The following CRISPLD2 variants were observed in gnomAD, a reference collection of about 807,000 sequenced individuals.
CRISPLD2 encodes the protein cysteine rich secretory protein LCCL domain containing 2.
In CRISPLD2, 47 loss-of-function variants were observed where a neutral mutation model predicts 71.1. That is an observed-to-expected ratio of 0.66 (90% confidence interval 0.52 to 0.84). The LOEUF (loss-of-function observed/expected upper bound fraction) is 0.84, where lower values mean the gene tolerates loss of function less well. Among genes scored for constraint, CRISPLD2 ranks in the 40% least tolerant of loss-of-function variants. The probability of loss-of-function intolerance (pLI) is 0.00; values close to 1 mark genes in which losing one functional copy is unlikely to be tolerated. For missense variants in CRISPLD2, 830 were observed against 651.1 expected (o/e 1.27, Z -2.99); for synonymous variants, 317 against 250.1 (o/e 1.27, Z -2.52).
rs1007726672 is a variant in CRISPLD2 at position 84,873,184 on chromosome 16, A to G, written c.1112+62A>G. 1.9e-6 allele frequency: 3 copies of G among 1,561,358 alleles called. No homozygotes were observed. In the African/African-American group the frequency reaches 4.1e-5, roughly 21 times the overall value. On this transcript the variant is annotated intron_variant, in intron 10 of 14. Transcript: ENST00000262424. ...TTCCTGTTTATGACGGTGTTGTTGA[A>G]ATTTTGAAAAATACCACACAGGCCG... is the stretch of plus-strand genomic sequence containing the variant.
At chr16:84,867,096 C>T (rs1917562951) in intron 7 of CRISPLD2, 56 bp downstream of exon 7, 12 of 1,569,496 alleles carry the variant, frequency 7.6e-6, no homozygotes, top group South Asian at 4.5e-5. Context: ...CCAAAGGGGA[C>T]GGGGTGGGTG....
At chr16:84,864,398 T>A (rs1376303270) in intron 6 of CRISPLD2, among the ~76,000 whole-genome samples, 1 of 152,214 alleles carries the variant, frequency 6.6e-6, no homozygotes, top group African/African-American at 2.4e-5. Flanking sequence ...TAAATAAAGC[T>A]GCGATTATGA....
In CRISPLD2 at chr16:84,889,377, C is replaced by G. The variant is rs756968304; in HGVS notation, c.1439+14C>G. 2 of 1,600,808 alleles carry G rather than the reference C, an allele frequency of 1.2e-6. No homozygotes were observed. Among genetic ancestry groups the G allele is most frequent in the Admixed American group, 3.4e-5 (2 of 59,260 alleles). ...TCAGTCTGAAAGGTAGGGTGGTGTT[C>G]TCCAACCCTTGACACCCAATCCCGG... On this transcript the variant is annotated intron_variant, in intron 14 of 14. Coordinates refer to ENST00000262424, the MANE Select transcript of CRISPLD2 (RefSeq NM_031476.4).
chr16:84,906,143 C>T (rs972249245), intron 14 of CRISPLD2, among the ~76,000 whole-genome samples: 2 of 152,024 alleles, frequency 1.3e-5, no homozygotes, highest in African/African-American at 2.4e-5. Context: ...CCCCTGTGAA[C>T]GAGCGATAAC....
At chr16:84,896,403 C>T (rs185698609) in intron 14 of CRISPLD2, among the ~76,000 whole-genome samples, 3 of 152,156 alleles carry the variant, frequency 2.0e-5, no homozygotes, top group Non-Finnish European at 2.9e-5. Context: ...CACACACACA[C>T]AGACACATAC....
chr16:84,877,391 C>G (rs543226091), intron 11 of CRISPLD2, 47 bp from the exon 12 acceptor site: 7 of 1,573,188 alleles, frequency 4.4e-6, no homozygotes, highest in South Asian at 2.2e-5. Flanking sequence ...AGCCTGAGGC[C>G]CAGGCGTGCT....
chr16:84,894,626 C>T (rs1163234335), intron 14 of CRISPLD2, among the ~76,000 whole-genome samples: 10 of 151,816 alleles, frequency 6.6e-5, no homozygotes, highest in African/African-American at 2.2e-4. Context: ...TTCTAGAAGC[C>T]AAAGGAAGAA....
chr16:84,855,846 A>G (rs1020004844), intron 6 of CRISPLD2, among the ~76,000 whole-genome samples: 8 of 152,260 alleles, frequency 5.3e-5, no homozygotes, highest in Admixed American at 4.6e-4. Context: ...CCCAAATACT[A>G]TGACATAAAG....
chr16:84,896,568 C>T (rs1372791603), intron 14 of CRISPLD2, among the ~76,000 whole-genome samples: 1 of 152,012 alleles, frequency 6.6e-6, no homozygotes. Context: ...GTAAAATAGG[C>T]CTGTGTTAGG....
intron 1 of CRISPLD2, among the ~76,000 whole-genome samples, chr16:84,831,755 T>C (rs2143151998): frequency 6.6e-6 from 1 of 152,290 alleles, no homozygotes; most frequent in African/African-American, 2.4e-5. Flanking sequence ...ATTTTTTATT[T>C]TTTGAGTCTT....
At chr16:84,866,335 G>C (rs1917536342) in intron 6 of CRISPLD2, among the ~76,000 whole-genome samples, 1 of 151,634 alleles carries the variant, frequency 6.6e-6, no homozygotes, top group Admixed American at 6.6e-5. Flanking sequence ...CCGGCTTCAA[G>C]CGATTCTCCT....
chr16:84,882,347 C>CA lies in CRISPLD2; in HGVS notation c.1305+1787dup, dbSNP rs80146835. On this transcript the variant is annotated intron_variant, in intron 13 of 14. Coordinates refer to ENST00000262424, the MANE Select transcript of CRISPLD2 (RefSeq NM_031476.4). ...CAATATAGCAGCTAAACCAATAAAGCAAAAAAAAAAAAAAAAAAAAAAAAG... is the reference window on the plus strand; with the variant it reads ...CAATATAGCAGCTAAACCAATAAAGCAAAAAAAAAAAAAAAAAAAAAAAAAG... Among the ~76,000 whole-genome samples, 172 of 77,436 alleles carry CA rather than the reference C, an allele frequency of 2.2e-3. 1 individual carries two copies. Among genetic ancestry groups the CA allele is most frequent in the Non-Finnish European group, 3.2e-3 (124 of 39,232 alleles). 50.8% of individuals were successfully genotyped at this position (77,436 alleles called of 152,430 possible).
intron 1 of CRISPLD2, among the ~76,000 whole-genome samples, chr16:84,834,596 T>A (rs1916570513): frequency 6.6e-6 from 1 of 152,176 alleles, no homozygotes; most frequent in Admixed American, 6.5e-5. Flanking sequence ...GCCAGGGGCA[T>A]ATTTGGAAAC....
intron 6 of CRISPLD2, among the ~76,000 whole-genome samples, chr16:84,866,256 G>A (rs1318715268): frequency 7.1e-6 from 1 of 139,930 alleles, no homozygotes; most frequent in Non-Finnish European, 1.6e-5. Context: ...TTTTTGAGAT[G>A]GAGTTTCGCT....
At chr16:84,898,806 G>C (rs886919504) in intron 14 of CRISPLD2, among the ~76,000 whole-genome samples, 3 of 152,184 alleles carry the variant, frequency 2.0e-5, no homozygotes, top group South Asian at 2.1e-4. Context: ...AATTGGTTCA[G>C]AGTTGGTTGA....
intron 6 of CRISPLD2, among the ~76,000 whole-genome samples, chr16:84,860,816 G>A (rs901262704): frequency 2.0e-5 from 3 of 152,186 alleles, no homozygotes; most frequent in Admixed American, 1.3e-4. Context: ...TGCATGAGAA[G>A]AGCTTGTGTC....
At position 84,846,731 on chromosome 16, in the gene CRISPLD2, G is replaced by A. The variant is rs571962080; in HGVS notation, c.359+827G>A. Among the ~76,000 whole-genome samples the A allele has an allele frequency of 7.9e-5, 12 of 152,268 alleles. No homozygotes were observed. The South Asian group carries it at 1.4e-3, about 18-fold the overall frequency. On this transcript the variant is annotated intron_variant, in intron 3 of 14. Transcript: ENST00000262424. ...ATTGCCTTCCCCGCGTCATCCAGCC[G>A]TCGGGAAGCTCACTAACTTCTCCAG... is the stretch of plus-strand genomic sequence containing the variant.
chr16:84,899,589 T>C (rs1221441531), intron 14 of CRISPLD2, among the ~76,000 whole-genome samples: 1 of 152,224 alleles, frequency 6.6e-6, no homozygotes, highest in African/African-American at 2.4e-5. Context: ...CAGTTGATGC[T>C]GCCAGTTGCA....
At chr16:84,827,398 T>C (rs934867025) in intron 1 of CRISPLD2, among the ~76,000 whole-genome samples, 1 of 152,090 alleles carries the variant, frequency 6.6e-6, no homozygotes, top group African/African-American at 2.4e-5. Context: ...GTCCTCACCG[T>C]GGCCTTCAAG....
Sources: gnomAD v4.1 joint callset for allele counts (sites outside exome capture counted in the v4.1 genomes callset) on GRCh38, gnomAD v4.1.1 for gene constraint, MANE v1.5 for transcripts, NCBI Gene and HGNC (gene_info 2026-07-23, HGNC 2026-07-21) for gene names.